The following RAD51 variants were observed in gnomAD, a reference collection of about 807,000 sequenced individuals.
RAD51 encodes the protein DNA repair protein RAD51 homolog 1.
Under a neutral mutation model 41.5 loss-of-function variants are expected in RAD51, and 14 were observed. The ratio of observed to expected loss-of-function variants is 0.34; its 90% CI spans 0.22 to 0.53. The LOEUF (loss-of-function observed/expected upper bound fraction) is 0.53, where lower values mean the gene tolerates loss of function less well. Ranked by LOEUF, RAD51 falls within the 20% of genes least tolerant of loss-of-function variation. The pLI is 0.95. For missense variants in RAD51, 234 were observed against 422.0 expected, an observed-to-expected ratio of 0.55 and a Z score of 3.90; for synonymous variants, 136 against 148.6, an observed-to-expected ratio of 0.92 and a Z score of 0.62.
At chr15:40,716,762 G>A (rs891881181) in intron 5 of RAD51, among the ~76,000 whole-genome samples, 15 of 145,380 alleles carry the variant, frequency 1.0e-4, no homozygotes, top group African/African-American at 3.8e-4. Flanking sequence ...CCAGGTTCAC[G>A]CCATTCTCCT....
intron 6 of RAD51, among the ~76,000 whole-genome samples, chr15:40,725,544 T>C (rs1222104075): frequency 6.6e-6 from 1 of 152,180 alleles, no homozygotes; most frequent in East Asian, 1.9e-4. Flanking sequence ...CACATGCATG[T>C]TACTGTAGCT....
intron 5 of RAD51, among the ~76,000 whole-genome samples, chr15:40,712,077 CA>C (rs57056143): frequency 2.3e-3 from 243 of 107,300 alleles, no homozygotes; most frequent in Non-Finnish European, 2.6e-3. Flanking sequence ...GTCTCCATCT[CA>C]AAAAAAAAAA....
chr15:40,724,697 T>TTTTTTA (rs1896468200), intron 6 of RAD51, among the ~76,000 whole-genome samples: 2 of 137,058 alleles, frequency 1.5e-5, no homozygotes, highest in Non-Finnish European at 1.6e-5. Context: ...TTTTTTTTTT[T>TTTTTTA]GAGACAGAGT....
rs572082069 is a variant in RAD51, at chr15:40,731,233, G to A, written c.*55G>A. 36 of 1,610,974 alleles carry A rather than the reference G, an allele frequency of 2.2e-5. No individual in the cohort carries two copies. The highest frequency in any genetic ancestry group is 2.2e-5 in the Non-Finnish European group (26 of 1,177,636). The stretch of plus-strand genomic sequence containing the variant: ...TTAAGTGCTGCAGCCTAATGAGAGT[G>A]CACTGCTCCCTGGGGTTCTCTACAG... On this transcript the variant is annotated 3_prime_UTR_variant, in exon 10 of 10. Transcript: ENST00000267868.
At chr15:40,714,347 C>G (rs2141848553) in intron 5 of RAD51, among the ~76,000 whole-genome samples, 1 of 152,180 alleles carries the variant, frequency 6.6e-6, no homozygotes, top group Non-Finnish European at 1.5e-5. Flanking sequence ...GATATGTGAC[C>G]TTTTTAAATA....
At chr15:40,725,399 A>G (rs1016269247) in intron 6 of RAD51, among the ~76,000 whole-genome samples, 1 of 152,194 alleles carries the variant, frequency 6.6e-6, no homozygotes, top group African/African-American at 2.4e-5. Flanking sequence ...ATCAAGAAAA[A>G]AATTTTATAA....
intron 6 of RAD51, among the ~76,000 whole-genome samples, chr15:40,724,613 C>G (rs1296223879): frequency 6.6e-6 from 1 of 151,782 alleles, no homozygotes; most frequent in Non-Finnish European, 1.5e-5. Flanking sequence ...AGCAGTCCCC[C>G]CTCCTCAGTG....
intron 7 of RAD51, 104 bp downstream of exon 7, chr15:40,728,928 G>A: frequency 1.0e-6 from 1 of 1,001,862 alleles, no homozygotes; most frequent in African/African-American, 1.6e-5. Flanking sequence ...TAGAAATGAG[G>A]AGGTTTAAGT....
chr15:40,697,058 A>G lies in RAD51; in HGVS notation c.-3+1633A>G, dbSNP rs77620452. ...GTCACTCTCTTAGTGGTGTCCTTTG[A>G]TGAATAGAAGTGCTGAATTTATTTT... On this transcript the variant is annotated intron_variant, in intron 1 of 9. Coordinates refer to ENST00000267868, the MANE Select transcript of RAD51 (RefSeq NM_002875.5). 9.5e-3 allele frequency among the ~76,000 whole-genome samples: 1,441 copies of G among 152,138 alleles called. 20 individuals are homozygous for G. Among genetic ancestry groups the G allele is most frequent in the African/African-American group, 0.033 (1,382 of 41,508 alleles).
rs551460295 is a variant in RAD51, at chr15:40,708,731, C to T, written c.344-294C>T. Among the ~76,000 whole-genome samples, 13 of 151,558 alleles carry T rather than the reference C, an allele frequency of 8.6e-5. No homozygotes were observed. In the South Asian group the frequency reaches 1.5e-3, roughly 17 times the overall value. On this transcript the variant is annotated intron_variant, in intron 4 of 9. Coordinates refer to ENST00000267868, the MANE Select transcript of RAD51 (RefSeq NM_002875.5). ...CTGAGTAGCTGGTACTACAGGCATC[C>T]GCCACCATGCCCGGCTAATTTTTGT...
At chr15:40,720,711 T>TG (rs750006569) in intron 6 of RAD51, among the ~76,000 whole-genome samples, 3 of 151,166 alleles carry the variant, frequency 2.0e-5, no homozygotes, top group African/African-American at 7.3e-5. Context: ...AAGTAAAACT[T>TG]GAAAAAAAAA....
chr15:40,728,056 TG>T (rs1896677298), intron 6 of RAD51, among the ~76,000 whole-genome samples: 1 of 152,046 alleles, frequency 6.6e-6, no homozygotes, highest in Non-Finnish European at 1.5e-5. Flanking sequence ...GATGGGGTTT[TG>T]CCATGTTGAC....
At position 40,706,295 on chromosome 15, in the gene RAD51, G is replaced by C; in HGVS notation, c.343+1G>C. ...AAAGAGCTTGACAAACTACTTCAAG[G>C]TGTAGTAATCCTTTATCCTGTGTTG... is the stretch of plus-strand genomic sequence containing the variant. On this transcript the variant is annotated splice_donor_variant, in intron 4 of 9. Transcript: ENST00000267868. LOFTEE classifies it high-confidence loss of function. The C allele has an allele frequency of 6.3e-7, 1 of 1,592,716 alleles. No homozygotes were observed. The highest frequency in any genetic ancestry group is 1.7e-5 in the Admixed American group (1 of 59,980).
In RAD51 at chr15:40,728,816, A is replaced by G. The variant is rs886441336; in HGVS notation, c.636A>G (p.Val212=). ...TTTATCAAGCATCAGCCATGATGGT[A>G]GAATCTAGGTATGTGTTCAGTATAA... ...QLLYQASAMM[V]ESRYALLIVD... is the part of the protein sequence containing the mutation. The change falls in exon 7 of 10, where the codon GTA becomes GTG. Residue 212 remains valine (V), a synonymous_variant. Transcript: ENST00000267868. The G allele has an allele frequency of 6.2e-7, 1 of 1,610,842 alleles. No individual in the cohort carries two copies. Among genetic ancestry groups the G allele is most frequent in the African/African-American group, 1.3e-5 (1 of 74,844 alleles).
At chr15:40,701,333 T>A in intron 3 of RAD51, 132 bp downstream of exon 3, 1 of 1,008,386 alleles carries the variant, frequency 9.9e-7, no homozygotes, top group Non-Finnish European at 1.5e-6. Context: ...GACTGTTACC[T>A]GTTTCTTTTC....
chr15:40,728,259 C>G (rs1896689936), intron 6 of RAD51, among the ~76,000 whole-genome samples: 1 of 152,048 alleles, frequency 6.6e-6, no homozygotes, highest in South Asian at 2.1e-4. Context: ...ATCAGGAGGT[C>G]AAGACCAGCC....
At chr15:40,706,105 A>G (rs945389263) in intron 3 of RAD51, 72 bp from the exon 4 acceptor site, 25 of 922,230 alleles carry the variant, frequency 2.7e-5, no homozygotes, top group South Asian at 5.0e-5. Context: ...CTTTATATAT[A>G]TTTTTTTGCC....
At chr15:40,730,739 G>T (rs933566166) in intron 9 of RAD51, among the ~76,000 whole-genome samples, 1 of 151,496 alleles carries the variant, frequency 6.6e-6, no homozygotes, top group Non-Finnish European at 1.5e-5. Flanking sequence ...AGCCAGGATG[G>T]TCTCGATCTC....
In RAD51 at chr15:40,720,244, T is replaced by A. The variant is rs535076046; in HGVS notation, c.530+1345T>A. Among the ~76,000 whole-genome samples, 31 of 151,896 alleles carry A rather than the reference T, an allele frequency of 2.0e-4. No homozygotes were observed. In the South Asian group the frequency reaches 6.4e-3, roughly 32 times the overall value. ...CTCCTGCCTCAGCCAAAAATTAGCC[T>A]GGCTAATTTTTGTATTTTTAGAAGA... On this transcript the variant is annotated intron_variant, in intron 6 of 9. Coordinates refer to ENST00000267868, the MANE Select transcript of RAD51 (RefSeq NM_002875.5).
Sources: allele counts gnomAD v4.1 joint callset (sites outside exome capture counted in the v4.1 genomes callset), GRCh38; gene constraint gnomAD v4.1.1; transcripts MANE v1.5; gene names NCBI Gene and HGNC (gene_info 2026-07-23, HGNC 2026-07-21).